Variants in TAFA2 observed in about 807,000 individuals in gnomAD.
TAFA2 encodes chemokine-like protein TAFA-2.
A neutral mutation model predicts 18.8 loss-of-function variants in TAFA2; 7 were observed. The observed-to-expected ratio is 0.37, with a 90% CI of 0.21 to 0.70. The LOEUF is 0.70. TAFA2 is among the 30% of genes least tolerant of loss of function. TAFA2 has a pLI of 0.53. For synonymous variants in TAFA2, 60 were observed against 54.2 expected, an observed-to-expected ratio of 1.11 and a Z score of -0.47; for missense variants, 122 against 158.1, an observed-to-expected ratio of 0.77 and a Z score of 1.23.
intron 1 of TAFA2, chr12:62,145,783 G>A (rs2062276188): frequency 6.6e-6 from 1 of 152,216 alleles, no homozygotes; most frequent in Admixed American, 6.5e-5. Flanking sequence ...TTCTCTAGCT[G>A]ATTCAGCAAG....
At chr12:61,788,076 T>TC (rs1004789817) in intron 2 of TAFA2, among the ~76,000 whole-genome samples, 95 of 151,390 alleles carry the variant, frequency 6.3e-4, no homozygotes, top group Non-Finnish European at 1.5e-4. Context: ...TAAAATAGAC[T>TC]CCAAGTCAAA....
At chr12:62,247,706 G>C (rs2062893399) in intron 1 of TAFA2, among the ~76,000 whole-genome samples, 1 of 152,086 alleles carries the variant, frequency 6.6e-6, no homozygotes, top group African/African-American at 2.4e-5. Flanking sequence ...TAAACAATTA[G>C]ATTTTTAAAA....
rs186807829 is a variant in TAFA2, at chr12:61,907,427, G to A, written c.-1-40001C>T. Reference sequence around the variant, plus strand: ...CCCCAAGTCTTGGCAGCTTACATGTGGTGTTGGGCCTGTTGGTGCAGAGAA... The same window carrying A: ...CCCCAAGTCTTGGCAGCTTACATGTAGTGTTGGGCCTGTTGGTGCAGAGAA... On this transcript the variant is annotated intron_variant, in intron 1 of 4. Coordinates refer to ENST00000416284, the MANE Select transcript of TAFA2 (RefSeq NM_178539.5). Among the ~76,000 whole-genome samples, 210 of 152,342 alleles carry A rather than the reference G, an allele frequency of 1.4e-3. 3 individuals are homozygous for A. The highest frequency in any genetic ancestry group is 8.4e-4 in the Non-Finnish European group (57 of 68,032).
At chr12:61,959,632 C>A (rs1878813986) in intron 1 of TAFA2, among the ~76,000 whole-genome samples, 1 of 151,944 alleles carries the variant, frequency 6.6e-6, no homozygotes, top group Admixed American at 6.6e-5. Flanking sequence ...TGGAATTGAC[C>A]ATAAAGTATG....
intron 2 of TAFA2, among the ~76,000 whole-genome samples, chr12:61,763,255 A>G (rs1316868956): frequency 6.6e-6 from 1 of 152,082 alleles, no homozygotes; most frequent in East Asian, 1.9e-4. Flanking sequence ...TTTTATATGG[A>G]AAAAAGAAAA....
intron 4 of TAFA2, chr12:61,720,565 C>T (rs769124279): frequency 5.9e-5 from 11 of 184,878 alleles, no homozygotes; most frequent in Non-Finnish European, 1.3e-4. Context: ...GTTCTTTGCC[C>T]TCTGACTCCC....
chr12:62,114,761 T>C (rs1869887530), intron 1 of TAFA2, among the ~76,000 whole-genome samples: 1 of 152,212 alleles, frequency 6.6e-6, no homozygotes, highest in African/African-American at 2.4e-5. Context: ...AGAGTATACC[T>C]GAATCCAAAA....
chr12:62,010,203 C>T (rs1043282095), intron 1 of TAFA2, among the ~76,000 whole-genome samples: 6 of 145,704 alleles, frequency 4.1e-5, no homozygotes, highest in African/African-American at 1.5e-4. Context: ...TTTGGTCTCC[C>T]TCTGTTACCG....
intron 1 of TAFA2, among the ~76,000 whole-genome samples, chr12:61,929,137 T>A: frequency 1.4e-5 from 2 of 146,016 alleles, no homozygotes; most frequent in African/African-American, 2.6e-5. Flanking sequence ...TGCACATGTA[T>A]CCCCAAACTT....
At chr12:62,117,263 C>T (rs560611578) in intron 1 of TAFA2, among the ~76,000 whole-genome samples, 1 of 152,256 alleles carries the variant, frequency 6.6e-6, no homozygotes, top group African/African-American at 2.4e-5. Flanking sequence ...GAAATTCCTA[C>T]TCGTTTTATT....
chr12:61,983,364 G>T (rs916816146), intron 1 of TAFA2, among the ~76,000 whole-genome samples: 2 of 151,366 alleles, frequency 1.3e-5, no homozygotes, highest in Non-Finnish European at 2.9e-5. Flanking sequence ...AATTCTAGGT[G>T]CTAGGTCCCT....
At chr12:61,882,189 G>GAAA (rs1875175679) in intron 1 of TAFA2, among the ~76,000 whole-genome samples, 1 of 152,114 alleles carries the variant, frequency 6.6e-6, no homozygotes, top group South Asian at 2.1e-4. Flanking sequence ...ATTCTTGAAA[G>GAAA]GACAGGATCT....
chr12:62,105,027 G>A (rs1253601150), intron 1 of TAFA2: 1 of 186,066 alleles, frequency 5.4e-6, no homozygotes, highest in East Asian at 1.7e-4. Context: ...GTTTCCTAAA[G>A]TAAAGGAAGG....
intron 1 of TAFA2, among the ~76,000 whole-genome samples, chr12:61,969,042 T>C (rs1220485145): frequency 6.6e-6 from 1 of 151,700 alleles, no homozygotes; most frequent in African/African-American, 2.4e-5. Context: ...GCAAAATAAA[T>C]GATTATCACA....
At chr12:61,902,249 A>T (rs896577374) in intron 1 of TAFA2, among the ~76,000 whole-genome samples, 1 of 152,150 alleles carries the variant, frequency 6.6e-6, no homozygotes, top group Admixed American at 6.6e-5. Context: ...TATCTCTGTA[A>T]CAGCTTTACA....
chr12:61,758,376 G>C (rs1458243695), intron 2 of TAFA2, among the ~76,000 whole-genome samples: 1 of 151,834 alleles, frequency 6.6e-6, no homozygotes, highest in East Asian at 1.9e-4. Flanking sequence ...ACACAGGAGA[G>C]AAAATAGATC....
chr12:61,818,271 T>C (rs1404660025), intron 2 of TAFA2, among the ~76,000 whole-genome samples: 1 of 152,168 alleles, frequency 6.6e-6, no homozygotes, highest in Non-Finnish European at 1.5e-5. Context: ...CTATAAAAAT[T>C]GTTCACTTCA....
chr12:62,008,368 C>T (rs1322028111), intron 1 of TAFA2, among the ~76,000 whole-genome samples: 3 of 152,028 alleles, frequency 2.0e-5, no homozygotes, highest in East Asian at 3.8e-4. Context: ...AAATATTTCA[C>T]ATAGTTTCTA....
At chr12:61,739,842 G>A (rs1452608439) in intron 4 of TAFA2, among the ~76,000 whole-genome samples, 5 of 152,044 alleles carry the variant, frequency 3.3e-5, no homozygotes, top group Admixed American at 2.0e-4. Context: ...TTCTAATCAT[G>A]ATAGTTGTTT....
Sources: gnomAD v4.1 joint callset for allele counts (sites outside exome capture counted in the v4.1 genomes callset) on GRCh38, gnomAD v4.1.1 for gene constraint, MANE v1.5 for transcripts, NCBI Gene and HGNC (gene_info 2026-07-23, HGNC 2026-07-21) for gene names.